ESR1: variants seen among roughly 807,000 people sequenced by gnomAD.
ESR1 encodes estrogen receptor.
A neutral mutation model predicts 52.7 loss-of-function variants in ESR1; 12 were observed. The ratio of observed to expected loss-of-function variants is 0.23; its 90% CI spans 0.15 to 0.37. The LOEUF (loss-of-function observed/expected upper bound fraction) is 0.37, where lower values mean the gene tolerates loss of function less well. Ranked by LOEUF, ESR1 falls within the 10% of genes least tolerant of loss-of-function variation. The pLI is 1.00. For synonymous variants in ESR1, 305 were observed against 316.8 expected (o/e 0.96, Z 0.39); for missense variants, 584 against 779.7 (o/e 0.75, Z 2.99).
chr6:151,797,295 AAG>A (rs1331153279), intron 2 of ESR1, among the ~76,000 whole-genome samples: 1 of 152,236 alleles, frequency 6.6e-6, no homozygotes, highest in Non-Finnish European at 1.5e-5. Flanking sequence ...CTGATTGAGC[AAG>A]AGTTATATTT....
chr6:151,986,611 G>T (rs958018888), intron 4 of ESR1, among the ~76,000 whole-genome samples: 1 of 152,132 alleles, frequency 6.6e-6, no homozygotes, highest in Non-Finnish European at 1.5e-5. Flanking sequence ...TTAGGTATGT[G>T]CATGAGGCAA....
intron 2 of ESR1, among the ~76,000 whole-genome samples, chr6:151,757,272 A>T (rs1415713983): frequency 1.3e-5 from 2 of 152,092 alleles, no homozygotes; most frequent in Non-Finnish European, 2.9e-5. Context: ...ATACAAAAAC[A>T]AGGCTGTACT....
intron 2 of ESR1, among the ~76,000 whole-genome samples, chr6:151,863,738 G>C (rs1403197825): frequency 6.6e-6 from 1 of 152,104 alleles, no homozygotes; most frequent in Non-Finnish European, 1.5e-5. Flanking sequence ...ACAGAACAGA[G>C]CCCTCAGAAA....
In ESR1 at chr6:152,061,312, C is replaced by T. The variant is rs1223969180; in HGVS notation, c.1369+188C>T. Reference sequence around the variant, plus strand: ...GGTAGAACCATGCTAGCCAAATAGACACATGAAAAATTGTAATTTGGCATT... The same window carrying T: ...GGTAGAACCATGCTAGCCAAATAGATACATGAAAAATTGTAATTTGGCATT... On this transcript the variant is annotated intron_variant, in intron 6 of 7. Coordinates refer to ENST00000206249, the MANE Select transcript of ESR1 (RefSeq NM_000125.4). The surrounding 1 kb of genome is among the most constrained non-coding windows in gnomAD (Gnocchi z 4.3). 2.0e-5 allele frequency among the ~76,000 whole-genome samples: 3 copies of T among 152,126 alleles called. No individual in the cohort carries two copies. Among genetic ancestry groups the T allele is most frequent in the African/African-American group, 7.2e-5 (3 of 41,432 alleles).
At chr6:151,743,554 G>T (rs1226169862) in intron 2 of ESR1, among the ~76,000 whole-genome samples, 1 of 152,150 alleles carries the variant, frequency 6.6e-6, no homozygotes, top group Non-Finnish European at 1.5e-5. Context: ...TCCTAAAACT[G>T]AGTTCAAGCA....
chr6:151,907,441 A>G lies in ESR1; in HGVS notation c.760+26670A>G, dbSNP rs561960647. 8.6e-4 allele frequency among the ~76,000 whole-genome samples: 131 copies of G among 152,174 alleles called. No individual in the cohort carries two copies. The Middle Eastern group carries it at 0.031, about 36-fold the overall frequency. On this transcript the variant is annotated intron_variant, in intron 3 of 7. Coordinates refer to ENST00000206249, the MANE Select transcript of ESR1 (RefSeq NM_000125.4). ...ATTAAAATTTACTCATAGCTGTCTC[A>G]TCTTACTGATATTTTAAAGACATAT... is the stretch of plus-strand genomic sequence containing the variant.
intron 5 of ESR1, among the ~76,000 whole-genome samples, chr6:152,013,993 A>C: frequency 6.6e-6 from 1 of 151,982 alleles, no homozygotes; most frequent in East Asian, 1.9e-4. Context: ...AGGTAACTGA[A>C]ACATAAGCAA....
chr6:151,682,128 T>C (rs1032132913), intron 1 of ESR1, among the ~76,000 whole-genome samples: 1 of 152,246 alleles, frequency 6.6e-6, no homozygotes, highest in African/African-American at 2.4e-5. Context: ...TTTTTGATTT[T>C]CACATGGAGT....
exon 7 of ESR1, chr6:152,126,699 A>C (rs543885328): frequency 4.6e-5 from 7 of 152,184 alleles, no homozygotes; most frequent in Non-Finnish European, 8.8e-5. Context: ...TCTCTGTCCC[A>C]AAATACCTAG....
chr6:152,017,345 GTTC>G (rs1347829530), intron 5 of ESR1, among the ~76,000 whole-genome samples: 2 of 152,120 alleles, frequency 1.3e-5, no homozygotes, highest in East Asian at 3.9e-4. Context: ...ACAATTTCCA[GTTC>G]TTCTCTGTAT....
At chr6:151,841,183 C>T (rs1292201098) in intron 1 of ESR1, among the ~76,000 whole-genome samples, 1 of 152,208 alleles carries the variant, frequency 6.6e-6, no homozygotes, top group Admixed American at 6.6e-5. Context: ...TCTCCTGGCC[C>T]ATGCCCTTCA....
Position 151,769,728 on chromosome 6 carries a change from T to C in ESR1, c.-70-38115T>C, listed in dbSNP as rs376351083. Among the ~76,000 whole-genome samples the C allele has an allele frequency of 7.9e-5, 12 of 152,296 alleles. No individual in the cohort carries two copies. In the South Asian group the frequency reaches 1.0e-3, roughly 13 times the overall value. ...AAAATGTCCATGTGAAGATGTCCAA[T>C]TGGGAGTTGGATATTTATTTATGTT... On this transcript the variant is annotated intron_variant, in intron 2 of 2. Transcript: ENST00000404742.
intron 4 of ESR1, among the ~76,000 whole-genome samples, chr6:151,969,842 T>TTTG (rs58812094): frequency 0.052 from 7,844 of 152,006 alleles, 536 homozygotes; most frequent in African/African-American, 0.15. Flanking sequence ...ATTCTGTGCT[T>TTTG]TTGTTGTTGT....
intron 3 of ESR1, among the ~76,000 whole-genome samples, chr6:151,891,678 T>C (rs1794716598): frequency 6.6e-6 from 1 of 152,202 alleles, no homozygotes. Flanking sequence ...TTCATTGTTA[T>C]GCGTCTGCCT....
At chr6:152,114,322 T>A (rs956020275) in intron 6 of ESR1, among the ~76,000 whole-genome samples, 1 of 152,204 alleles carries the variant, frequency 6.6e-6, no homozygotes, top group South Asian at 2.1e-4. Context: ...GGGTGACTTC[T>A]GGAGGCAGGT....
chr6:151,795,377 C>G (rs1451204196), intron 2 of ESR1, among the ~76,000 whole-genome samples: 1 of 151,084 alleles, frequency 6.6e-6, no homozygotes, highest in African/African-American at 2.4e-5. Context: ...ATCCCAGCTA[C>G]TTGGGAGACT....
intron 5 of ESR1, among the ~76,000 whole-genome samples, chr6:152,050,605 C>T (rs1028180399): frequency 6.6e-6 from 1 of 152,132 alleles, no homozygotes; most frequent in African/African-American, 2.4e-5. Flanking sequence ...AGTTAAAGAA[C>T]ACTAACATAT....
At chr6:151,974,662 G>A (rs1274088854) in intron 4 of ESR1, among the ~76,000 whole-genome samples, 1 of 152,208 alleles carries the variant, frequency 6.6e-6, no homozygotes, top group Admixed American at 6.5e-5. Flanking sequence ...AAGCCTATAT[G>A]AATGTGCTTT....
chr6:152,085,972 T>G (rs2049679405), intron 6 of ESR1, among the ~76,000 whole-genome samples: 1 of 152,150 alleles, frequency 6.6e-6, no homozygotes, highest in Non-Finnish European at 1.5e-5. Flanking sequence ...GCTTAATTAT[T>G]GTTGAAATAC....
Sources: allele counts gnomAD v4.1 joint callset (sites outside exome capture counted in the v4.1 genomes callset), GRCh38; gene constraint gnomAD v4.1.1; non-coding constraint Gnocchi (gnomAD v3.1); transcripts MANE v1.5; gene names NCBI Gene and HGNC (gene_info 2026-07-23, HGNC 2026-07-21).